The following GRID1 variants were observed in gnomAD, a reference collection of about 807,000 sequenced individuals.
GRID1 encodes glutamate ionotropic receptor delta type subunit 1, also known as glutamate receptor ionotropic, delta-1.
In GRID1, 28 loss-of-function variants were observed where a neutral mutation model predicts 98.0. The observed-to-expected ratio is 0.29, with a 90% CI of 0.21 to 0.39. The LOEUF (loss-of-function observed/expected upper bound fraction) is 0.39. GRID1 is among the 10% of genes least tolerant of loss of function. The pLI is 1.00. For missense variants in GRID1, 1,111 were observed against 1,340.5 expected, an observed-to-expected ratio of 0.83 and a Z score of 2.67; for synonymous variants, 553 against 538.5, an observed-to-expected ratio of 1.03 and a Z score of -0.37.
At chr10:85,645,238 C>T (rs945109567) in intron 13 of GRID1, among the ~76,000 whole-genome samples, 3 of 151,718 alleles carry the variant, frequency 2.0e-5, no homozygotes, top group African/African-American at 7.3e-5. Context: ...TATTGGCTCT[C>T]TCTGAGAGTC....
chr10:85,725,144 T>C (rs1020309666), intron 10 of GRID1, among the ~76,000 whole-genome samples: 2 of 152,206 alleles, frequency 1.3e-5, no homozygotes, highest in African/African-American at 4.8e-5. Context: ...TTATCCCACA[T>C]TGATCTTTCT....
At chr10:86,142,311 G>A (rs996285911) in intron 3 of GRID1, among the ~76,000 whole-genome samples, 7 of 152,232 alleles carry the variant, frequency 4.6e-5, no homozygotes, top group African/African-American at 1.7e-4. Context: ...ATAGATCGAG[G>A]TCATTGGATG....
In GRID1 at chr10:85,916,481, G is replaced by A. The variant is rs1198607868; in HGVS notation, c.727-242C>T. The stretch of plus-strand genomic sequence containing the variant: ...GCACCAGCCCAGAGCAAGATTAGAC[G>A]CTTGGGTTCCTGCAGGCAGCACAGG... On this transcript the variant is annotated intron_variant, in intron 4 of 15. Transcript: ENST00000327946. This position sits in a 1 kb window ranked among gnomAD's most constrained non-coding sequence, Gnocchi z 4.0. Among the ~76,000 whole-genome samples the A allele has an allele frequency of 5.3e-5, 8 of 152,310 alleles. No individual in the cohort carries two copies. The highest frequency in any genetic ancestry group is 1.2e-4 in the African/African-American group (5 of 41,570).
chr10:85,682,378 T>A (rs1433151527), intron 12 of GRID1, among the ~76,000 whole-genome samples: 1 of 152,202 alleles, frequency 6.6e-6, no homozygotes, highest in Non-Finnish European at 1.5e-5. Context: ...TGGTCTATGA[T>A]TAGTAGACCA....
At chr10:86,245,468 TTTACTCCATTCCTCCTCTACCATTTGC>T (rs1331091034) in intron 2 of GRID1, among the ~76,000 whole-genome samples, 4 of 13,312 alleles carry the variant, frequency 3.0e-4, no homozygotes, top group African/African-American at 6.6e-4. Context: ...TACCATTCGC[TTTACTCCATTCCTCCTCTACCATTTGC>T]TTTACTCCAT....
chr10:86,130,018 G>T (rs1490214482), intron 4 of GRID1, among the ~76,000 whole-genome samples: 1 of 152,276 alleles, frequency 6.6e-6, no homozygotes, highest in African/African-American at 2.4e-5. Context: ...GCCTGGGCTA[G>T]TGTGCTTGTC....
At chr10:85,952,875 CTCT>C (rs919961909) in intron 4 of GRID1, among the ~76,000 whole-genome samples, 1 of 152,188 alleles carries the variant, frequency 6.6e-6, no homozygotes, top group Non-Finnish European at 1.5e-5. Context: ...AGACCAGCCC[CTCT>C]TCTTCTTCCT....
intron 8 of GRID1, among the ~76,000 whole-genome samples, chr10:85,830,313 G>A (rs945642910): frequency 1.3e-5 from 2 of 152,054 alleles, no homozygotes; most frequent in Non-Finnish European, 2.9e-5. Context: ...ATTAACTCAA[G>A]ATGAATTAAA....
intron 3 of GRID1, among the ~76,000 whole-genome samples, chr10:86,146,628 C>T (rs1004903486): frequency 6.6e-6 from 1 of 152,218 alleles, no homozygotes; most frequent in African/African-American, 2.4e-5. Flanking sequence ...TGCATTTCCT[C>T]TTCCTCCCTT....
At chr10:86,324,241 T>C (rs1848011954) in intron 2 of GRID1, among the ~76,000 whole-genome samples, 1 of 152,062 alleles carries the variant, frequency 6.6e-6, no homozygotes, top group African/African-American at 2.4e-5. Context: ...GCTGGCCTCA[T>C]GTTAGGTAGT....
In GRID1 at chr10:85,724,413, C is replaced by T. The variant is rs139874445; in HGVS notation, c.1797G>A (p.Pro599=). Reference sequence around the variant, plus strand: ...CGCTGTGCAGAGTGGCAGAAGCTGACGGCCTGGGCTGGGCAGCACTCTGAG... The same window carrying T: ...CGCTGTGCAGAGTGGCAGAAGCTGATGGCCTGGGCTGGGCAGCACTCTGAG... The part of the protein sequence containing the change: ...VRAQSAAQPR[P]SASATLHSAI... The change falls in exon 11 of 16, where the codon CCG becomes CCA. Residue 599 remains proline, a synonymous_variant. Coordinates refer to ENST00000327946, the MANE Select transcript of GRID1 (RefSeq NM_017551.3). The T allele has an allele frequency of 3.7e-5, 60 of 1,614,050 alleles. No homozygotes were observed. The highest frequency in any genetic ancestry group is 1.1e-4 in the African/African-American group (8 of 74,930).
Position 85,934,413 on chromosome 10 carries a change from G to GACACACAC in GRID1, c.727-18182_727-18175dup, listed in dbSNP as rs5786728. ...GAAGAACCCTAAGCTGCAGAGATTG[G>GACACACAC]ACACACACACACACACACACACACA... On this transcript the variant is annotated intron_variant, in intron 4 of 15. Transcript: ENST00000327946. Among the ~76,000 whole-genome samples the GACACACAC allele has an allele frequency of 1.8e-3, 252 of 141,498 alleles. 1 individual carries two copies. The highest frequency in any genetic ancestry group is 5.2e-3 in the African/African-American group (199 of 38,414). 92.8% of individuals were successfully genotyped at this position (141,498 alleles called of 152,430 possible).
chr10:85,901,893 T>C (rs1457788216), intron 5 of GRID1, among the ~76,000 whole-genome samples: 1 of 152,200 alleles, frequency 6.6e-6, no homozygotes, highest in Non-Finnish European at 1.5e-5. Flanking sequence ...CCATAAATGT[T>C]AAATCTCATA....
At chr10:86,337,968 G>A (rs1430725183) in intron 2 of GRID1, among the ~76,000 whole-genome samples, 6 of 152,046 alleles carry the variant, frequency 3.9e-5, no homozygotes, top group South Asian at 2.1e-4. Context: ...TCGGCCTCCC[G>A]AAGTGCTGGG....
chr10:86,322,414 CGTTGTT>C (rs767920780), intron 2 of GRID1, among the ~76,000 whole-genome samples: 1 of 151,892 alleles, frequency 6.6e-6, no homozygotes, highest in Admixed American at 6.6e-5. Context: ...TTGTTGTTGT[CGTTGTT>C]GTTGTTGTTG....
chr10:85,729,532 A>G lies in GRID1; in HGVS notation c.1316T>C (p.Leu439Pro), dbSNP rs751523472. The G allele has an allele frequency of 6.2e-7, 1 of 1,608,262 alleles. No individual in the cohort carries two copies. Among genetic ancestry groups the G allele is most frequent in the Non-Finnish European group, 8.5e-7 (1 of 1,174,906 alleles). ...PMGSRLQGLT[L>P]KVVTVLEEPF... ...TCCTACCAAGACAGTCACCACTTTA[A>G]GAGTCAATCCTTGGAGGCGGCTGCC... is the stretch of plus-strand genomic sequence containing the variant. Residue 439 changes from leucine (L) to proline (P), a missense_variant, in exon 9 of 16, where the codon CTT (leucine) becomes CCT (proline). Physicochemically the swap from Leu to Pro is moderately conservative, Grantham distance 98. Transcript: ENST00000327946.
rs1257178922 is a variant in GRID1, at chr10:85,869,017, A to T, written c.944T>A (p.Met315Lys). The change falls in exon 6 of 16, where the codon ATG becomes AAG. Residue 315 changes from methionine to lysine, a missense_variant. Met to Lys is a moderately conservative substitution (Grantham distance 95, BLOSUM62 -1). This residue lies in a region of GRID1 where 346 missense variants were observed against 452.3 expected (regional missense o/e 0.76). Coordinates refer to ENST00000327946, the MANE Select transcript of GRID1 (RefSeq NM_017551.3). ...LCDPQEGYLQ[M>K]LQISNLYLYD... is the part of the protein sequence containing the mutation. ...AAGAGGCTGAGCACTGACCTGCAGCATCTGGAGGTAGCCTTCCTGGGGGTC... is the reference window on the plus strand; with the variant it reads ...AAGAGGCTGAGCACTGACCTGCAGCTTCTGGAGGTAGCCTTCCTGGGGGTC... 3.1e-6 allele frequency: 5 copies of T among 1,613,036 alleles called. No homozygotes were observed. The Admixed American group carries it at 5.0e-5, about 16-fold the overall frequency.
intron 4 of GRID1, among the ~76,000 whole-genome samples, chr10:85,995,694 C>A (rs965863245): frequency 3.3e-5 from 5 of 152,340 alleles, no homozygotes; most frequent in East Asian, 3.9e-4. Flanking sequence ...TATCCTCTAA[C>A]CCTCTTGACC....
At chr10:85,753,188 C>A (rs1842064650) in intron 8 of GRID1, among the ~76,000 whole-genome samples, 1 of 152,130 alleles carries the variant, frequency 6.6e-6, no homozygotes, top group African/African-American at 2.4e-5. Context: ...GACTTGTATT[C>A]TGTGTATCTT....
Sources: gnomAD v4.1 joint callset for allele counts (sites outside exome capture counted in the v4.1 genomes callset) on GRCh38, gnomAD v4.1.1 for gene constraint, gnomAD v4.1.1 regional missense constraint, Gnocchi (gnomAD v3.1) non-coding constraint, MANE v1.5 for transcripts, NCBI Gene and HGNC (gene_info 2026-07-23, HGNC 2026-07-21) for gene names.